Variants in ATXN7L1 observed in about 807,000 individuals in gnomAD.
ATXN7L1 encodes ataxin-7-like protein 1.
A neutral mutation model predicts 70.8 loss-of-function variants in ATXN7L1; 15 were observed. The observed-to-expected ratio is 0.21, with a 90% CI of 0.14 to 0.33. ATXN7L1 has a LOEUF of 0.33. ATXN7L1 is among the 10% of genes least tolerant of loss of function. ATXN7L1 has a pLI of 1.00. For synonymous variants in ATXN7L1, 440 were observed against 445.1 expected, an observed-to-expected ratio of 0.99 and a Z score of 0.14; for missense variants, 975 against 1,097.1, an observed-to-expected ratio of 0.89 and a Z score of 1.57.
intron 4 of ATXN7L1, among the ~76,000 whole-genome samples, chr7:105,661,551 A>G (rs1801612500): frequency 6.6e-6 from 1 of 152,204 alleles, no homozygotes; most frequent in South Asian, 2.1e-4. Context: ...TCAAGGACAC[A>G]CAGAAAGTTA....
chr7:105,719,043 G>T (rs754531881), intron 3 of ATXN7L1, among the ~76,000 whole-genome samples: 10 of 152,194 alleles, frequency 6.6e-5, no homozygotes, highest in African/African-American at 2.4e-4. Flanking sequence ...CTAGGAAACA[G>T]ACCAGTTTAC....
At chr7:105,738,655 G>A (rs1350281975) in intron 3 of ATXN7L1, among the ~76,000 whole-genome samples, 4 of 152,254 alleles carry the variant, frequency 2.6e-5, no homozygotes, top group Non-Finnish European at 5.9e-5. Flanking sequence ...TAGTAGTTGA[G>A]TTGGGATTTG....
chr7:105,754,984 G>A (rs1799640316), intron 3 of ATXN7L1, among the ~76,000 whole-genome samples: 1 of 152,158 alleles, frequency 6.6e-6, no homozygotes, highest in Non-Finnish European at 1.5e-5. Flanking sequence ...TAAATGTTGT[G>A]TTTTAGTGGG....
chr7:105,638,265 A>T, intron 7 of ATXN7L1, 88 bp downstream of exon 7: 1 of 1,415,586 alleles, frequency 7.1e-7, no homozygotes, highest in Non-Finnish European at 9.4e-7. Context: ...ATTTCCATTT[A>T]ACATATAATC....
chr7:105,766,490 C>T (rs1231120738), intron 3 of ATXN7L1, among the ~76,000 whole-genome samples: 3 of 152,090 alleles, frequency 2.0e-5, no homozygotes, highest in Admixed American at 6.5e-5. Flanking sequence ...AGCTCACAAA[C>T]GTATGATTCA....
chr7:105,792,513 G>C (rs996480828), intron 2 of ATXN7L1, among the ~76,000 whole-genome samples: 20 of 152,206 alleles, frequency 1.3e-4, no homozygotes, highest in African/African-American at 4.1e-4. Context: ...AGGGAGAGAG[G>C]AGAACTAATG....
chr7:105,641,194 T>TC (rs1798127281), intron 5 of ATXN7L1, among the ~76,000 whole-genome samples: 1 of 106,004 alleles, frequency 9.4e-6, no homozygotes, highest in Non-Finnish European at 2.0e-5. Flanking sequence ...TGTCTGCCTT[T>TC]TCTCTCTCTC....
At chr7:105,763,838 T>C (rs1800876541) in intron 3 of ATXN7L1, among the ~76,000 whole-genome samples, 1 of 152,068 alleles carries the variant, frequency 6.6e-6, no homozygotes, top group Non-Finnish European at 1.5e-5. Context: ...AAATGTAGTT[T>C]TTTTTTTGTT....
intron 2 of ATXN7L1, among the ~76,000 whole-genome samples, chr7:105,851,682 C>T (rs1343750518): frequency 6.6e-6 from 1 of 152,154 alleles, no homozygotes; most frequent in Non-Finnish European, 1.5e-5. Context: ...GTGTGTCTCC[C>T]CCACAAGCTG....
chr7:105,751,977 G>A (rs899657730), intron 3 of ATXN7L1, among the ~76,000 whole-genome samples: 1 of 152,222 alleles, frequency 6.6e-6, no homozygotes, highest in African/African-American at 2.4e-5. Flanking sequence ...GGAAGAAGCA[G>A]AACACAAGGA....
intron 7 of ATXN7L1, among the ~76,000 whole-genome samples, chr7:105,627,504 G>A (rs1303108542): frequency 6.7e-6 from 1 of 149,758 alleles, no homozygotes; most frequent in Non-Finnish European, 1.5e-5. Flanking sequence ...CCAAACTGTT[G>A]GGATTGCAGG....
At chr7:105,865,439 T>C (rs927118201) in intron 2 of ATXN7L1, among the ~76,000 whole-genome samples, 2 of 151,990 alleles carry the variant, frequency 1.3e-5, no homozygotes, top group Non-Finnish European at 2.9e-5. Context: ...TCTCGCTGTG[T>C]TGCCCAGGCT....
chr7:105,828,884 G>C (rs376925388), intron 2 of ATXN7L1, among the ~76,000 whole-genome samples: 8 of 152,096 alleles, frequency 5.3e-5, no homozygotes, highest in African/African-American at 1.7e-4. Flanking sequence ...CACCGGCAAG[G>C]GTATTCATGG....
intron 2 of ATXN7L1, among the ~76,000 whole-genome samples, chr7:105,856,419 C>T (rs10262053): frequency 6.6e-6 from 1 of 151,966 alleles, no homozygotes; most frequent in Non-Finnish European, 1.5e-5. Flanking sequence ...AACCCTGTTT[C>T]TATTAAAAAT....
At chr7:105,747,535 T>G (rs1157457524) in intron 3 of ATXN7L1, among the ~76,000 whole-genome samples, 1 of 152,158 alleles carries the variant, frequency 6.6e-6, no homozygotes, top group Non-Finnish European at 1.5e-5. Flanking sequence ...AACCAGTAAA[T>G]GTGTTTCCCT....
intron 2 of ATXN7L1, among the ~76,000 whole-genome samples, chr7:105,864,715 C>A (rs1436501176): frequency 6.6e-6 from 1 of 151,670 alleles, no homozygotes. Context: ...CTCACTGCAA[C>A]CTCCGCCTCC....
intron 2 of ATXN7L1, among the ~76,000 whole-genome samples, chr7:105,853,622 G>C (rs986227769): frequency 9.3e-5 from 14 of 151,348 alleles, no homozygotes; most frequent in African/African-American, 1.9e-4. Context: ...AAATGAGCTG[G>C]GCGTGGTGGT....
intron 2 of ATXN7L1, among the ~76,000 whole-genome samples, chr7:105,833,664 A>G (rs1811964217): frequency 6.6e-6 from 1 of 152,234 alleles, no homozygotes; most frequent in Non-Finnish European, 1.5e-5. Flanking sequence ...TGTACATTTC[A>G]CTGTATGTAG....
At chr7:105,751,497 A>G (rs1799211460) in intron 3 of ATXN7L1, among the ~76,000 whole-genome samples, 1 of 152,054 alleles carries the variant, frequency 6.6e-6, no homozygotes, top group Admixed American at 6.6e-5. Context: ...TTAGCTGGGC[A>G]TGGTGGTGCA....
Sources: gnomAD v4.1 joint callset for allele counts (sites outside exome capture counted in the v4.1 genomes callset) on GRCh38, gnomAD v4.1.1 for gene constraint, MANE v1.5 for transcripts, NCBI Gene and HGNC (gene_info 2026-07-23, HGNC 2026-07-21) for gene names.